PDE11A: variants seen among roughly 807,000 people sequenced by gnomAD.
PDE11A encodes phosphodiesterase 11A.
Under a neutral mutation model 100.5 loss-of-function variants are expected in PDE11A, and 100 were observed. That is an observed-to-expected ratio of 1.00 (90% CI 0.85 to 1.18). The LOEUF (loss-of-function observed/expected upper bound fraction) is 1.18. Among genes scored for constraint, PDE11A ranks in the 50% most tolerant of loss-of-function variants. The pLI is 0.00. For missense variants in PDE11A, 1,141 were observed against 1,152.6 expected, an observed-to-expected ratio of 0.99 and a Z score of 0.15; for synonymous variants, 381 against 420.8, an observed-to-expected ratio of 0.91 and a Z score of 1.16.
rs78996581 is a variant in PDE11A, at chr2:177,675,473, C to T, written c.2469G>A (p.Pro823=). The change falls in exon 17 of 20, where the codon CCG becomes CCA. Residue 823 remains proline, a synonymous_variant. Coordinates refer to ENST00000286063, the MANE Select transcript of PDE11A (RefSeq NM_016953.4). ...CACTTGCCTGTCTGGAGATCTCCCA[C>T]GGTTTGGTCACGGCTCCAAGGTCAC... The part of the protein sequence containing the change: ...TACDLGAVTK[P]WEISRQVAEL... 2.2e-5 allele frequency: 36 copies of T among 1,613,078 alleles called. No individual in the cohort carries two copies. Among genetic ancestry groups the T allele is most frequent in the Admixed American group, 1.0e-4 (6 of 59,976 alleles).
intron 1 of PDE11A, among the ~76,000 whole-genome samples, chr2:178,037,074 A>AT (rs2105845656): frequency 6.6e-6 from 1 of 152,354 alleles, no homozygotes; most frequent in South Asian, 2.1e-4. Context: ...CTATCATCAG[A>AT]GTGAACAGGC....
intron 5 of PDE11A, among the ~76,000 whole-genome samples, chr2:177,847,203 C>G (rs190505624): frequency 1.2e-4 from 19 of 152,270 alleles, no homozygotes; most frequent in African/African-American, 4.1e-4. Context: ...TCCATGGGGT[C>G]TGAGTAGGAT....
In PDE11A at chr2:177,625,318, G is replaced by A. The variant is rs907705365; in HGVS notation, c.*4089C>T. On this transcript the variant is annotated 3_prime_UTR_variant, in exon 20 of 20. Transcript: ENST00000286063. ...ACACGTCTTGGTCCTTTGGTGTGGG[G>A]ACTGAATAAAAGTCAGTGCTTTTAT... The A allele has an allele frequency of 2.0e-5, 3 of 152,596 alleles. No individual in the cohort carries two copies. Among genetic ancestry groups the A allele is most frequent in the Admixed American group, 2.0e-4 (3 of 15,270 alleles). 9.5% of individuals were successfully genotyped at this position (152,596 alleles called of 1,614,324 possible). A position where few individuals can be genotyped will look rare whatever the true frequency, so the allele number is the denominator to read the frequency against.
chr2:178,096,162 T>C (rs1284522456), intron 2 of PDE11A, among the ~76,000 whole-genome samples: 1 of 131,952 alleles, frequency 7.6e-6, no homozygotes, highest in Non-Finnish European at 1.7e-5. Context: ...GGTTTTTCTT[T>C]TCTTTTCTTT....
At chr2:178,107,718 T>C (rs1559073928) in intron 1 of PDE11A, among the ~76,000 whole-genome samples, 1 of 149,014 alleles carries the variant, frequency 6.7e-6, no homozygotes, top group African/African-American at 2.5e-5. Flanking sequence ...TTCCTTTTTT[T>C]TTCTTTTTTT....
chr2:177,959,824 A>T (rs543443229), intron 2 of PDE11A, among the ~76,000 whole-genome samples: 2 of 152,288 alleles, frequency 1.3e-5, no homozygotes, highest in Non-Finnish European at 2.9e-5. Flanking sequence ...TGAGAAGGTT[A>T]TATATTATAT....
chr2:177,644,245 T>C (rs1250605374), intron 19 of PDE11A, among the ~76,000 whole-genome samples: 1 of 152,174 alleles, frequency 6.6e-6, no homozygotes, highest in Non-Finnish European at 1.5e-5. Flanking sequence ...CCCATGAAAA[T>C]AGCTGGGAGG....
chr2:177,852,858 G>A (rs1200133636), intron 5 of PDE11A, among the ~76,000 whole-genome samples: 1 of 152,172 alleles, frequency 6.6e-6, no homozygotes, highest in Non-Finnish European at 1.5e-5. Flanking sequence ...CGCCTTTAAT[G>A]TCTTGCCTGA....
chr2:178,030,203 T>G (rs1045748707), intron 1 of PDE11A, among the ~76,000 whole-genome samples: 3 of 151,952 alleles, frequency 2.0e-5, no homozygotes, highest in African/African-American at 7.3e-5. Flanking sequence ...AAATCAGGAA[T>G]AAAATGGGGC....
chr2:177,750,729 G>T (rs1400645080), intron 10 of PDE11A, among the ~76,000 whole-genome samples: 2 of 152,290 alleles, frequency 1.3e-5, no homozygotes, highest in East Asian at 3.9e-4. Context: ...ATCAGAAATT[G>T]TACAGTAAAG....
intron 9 of PDE11A, among the ~76,000 whole-genome samples, chr2:177,777,113 T>C (rs1033505080): frequency 6.6e-6 from 1 of 152,192 alleles, no homozygotes; most frequent in Non-Finnish European, 1.5e-5. Flanking sequence ...CAATTAAACC[T>C]CTTTCCTTTA....
chr2:177,897,592 C>G (rs1407505947), intron 4 of PDE11A, among the ~76,000 whole-genome samples: 1 of 152,188 alleles, frequency 6.6e-6, no homozygotes, highest in Non-Finnish European at 1.5e-5. Flanking sequence ...GTCTGGGCTC[C>G]AAGAGCTAAG....
intron 19 of PDE11A, among the ~76,000 whole-genome samples, chr2:177,650,745 G>T (rs2080296002): frequency 6.6e-6 from 1 of 152,146 alleles, no homozygotes. Flanking sequence ...CAAAGTCTAG[G>T]GTTCTAAACC....
intron 8 of PDE11A, 28 bp downstream of exon 8, chr2:177,817,830 C>T (rs2083066431): frequency 2.5e-6 from 2 of 789,502 alleles, no homozygotes; most frequent in Non-Finnish European, 3.9e-6. Context: ...TTGATGACTC[C>T]ACTTGGTTTA....
chr2:178,042,496 G>T (rs977569280), intron 1 of PDE11A, among the ~76,000 whole-genome samples: 10 of 148,622 alleles, frequency 6.7e-5, no homozygotes, highest in Non-Finnish European at 1.0e-4. Flanking sequence ...AAAAAAAGAA[G>T]AAAAAAGTCC....
At chr2:177,899,412 C>T in intron 3 of PDE11A, 1 of 187,058 alleles carries the variant, frequency 5.3e-6, no homozygotes, top group Middle Eastern at 9.7e-4. Context: ...TTCTAAAAAA[C>T]AAACAAACAA....
intron 4 of PDE11A, among the ~76,000 whole-genome samples, chr2:177,884,368 C>A (rs1003335172): frequency 6.6e-6 from 1 of 152,164 alleles, no homozygotes; most frequent in Non-Finnish European, 1.5e-5. Context: ...GAAACCCCAT[C>A]TTTTTCTTTG....
At chr2:177,797,794 T>A (rs983861121) in intron 9 of PDE11A, among the ~76,000 whole-genome samples, 2 of 152,074 alleles carry the variant, frequency 1.3e-5, no homozygotes, top group African/African-American at 4.8e-5. Flanking sequence ...TAACAGAAAA[T>A]AAAATAAAAA....
At chr2:178,008,365 T>G (rs2086237124) in intron 2 of PDE11A, among the ~76,000 whole-genome samples, 1 of 152,286 alleles carries the variant, frequency 6.6e-6, no homozygotes, top group African/African-American at 2.4e-5. Flanking sequence ...GGTTGGCTAT[T>G]ATAGTAGTAC....
Sources: allele counts gnomAD v4.1 joint callset (sites outside exome capture counted in the v4.1 genomes callset), GRCh38; gene constraint gnomAD v4.1.1; transcripts MANE v1.5; gene names NCBI Gene and HGNC (gene_info 2026-07-23, HGNC 2026-07-21).